SH3KBP1: variants seen among roughly 807,000 people sequenced by gnomAD.
SH3KBP1 encodes the protein SH3 domain containing kinase binding protein 1.
A neutral mutation model predicts 50.1 loss-of-function variants in SH3KBP1; 8 were observed. That is an observed-to-expected ratio of 0.16 (90% CI 0.09 to 0.29). The LOEUF is 0.29. SH3KBP1 is among the 10% of genes least tolerant of loss of function. The pLI is 1.00. For synonymous variants in SH3KBP1, 227 were observed against 218.6 expected, an observed-to-expected ratio of 1.04 and a Z score of -0.34; for missense variants, 377 against 535.2, an observed-to-expected ratio of 0.70 and a Z score of 2.92.
intron 2 of SH3KBP1, among the ~76,000 whole-genome samples, chrX:19,776,532 GTTTTTTTTTTTT>G (rs72090569): frequency 9.3e-4 from 24 of 25,681 alleles, no homozygotes; most frequent in African/African-American, 3.9e-3. Context: ...TGACAACCTG[GTTTTTTTTTTTT>G]TTTTTTTTTT....
At chrX:19,736,654 G>C (rs1345393786) in intron 3 of SH3KBP1, among the ~76,000 whole-genome samples, 2 of 111,783 alleles carry the variant, frequency 1.8e-5, no homozygotes, top group Admixed American at 9.5e-5. Context: ...GAGTTAGGGA[G>C]GTGGGCCATG....
At chrX:19,872,838 C>T (rs982971856) in intron 1 of SH3KBP1, among the ~76,000 whole-genome samples, 1 of 104,822 alleles carries the variant, frequency 9.5e-6, no homozygotes, top group Non-Finnish European at 1.9e-5. Flanking sequence ...CTCTCTCACA[C>T]ACACACACAC....
At chrX:19,661,204 G>A (rs112718031) in intron 6 of SH3KBP1, among the ~76,000 whole-genome samples, 3 of 112,354 alleles carry the variant, frequency 2.7e-5, no homozygotes, top group African/African-American at 6.5e-5. Flanking sequence ...AAAATGTTGC[G>A]TTCTCAGCTA....
At chrX:19,588,236 A>AGGG in intron 12 of SH3KBP1, 3 of 704,606 alleles carry the variant, frequency 4.3e-6, no homozygotes, top group Non-Finnish European at 5.8e-6. Context: ...AGTGAGGGTC[A>AGGG]GGGGTCGTAG....
rs138400461 is a variant in SH3KBP1 at position 19,804,213 on chromosome X, G to A, written c.162+31912C>T. On this transcript the variant is annotated intron_variant, in intron 2 of 17. Coordinates refer to ENST00000397821, the MANE Select transcript of SH3KBP1 (RefSeq NM_031892.3). ...GAAATGAAACCCCAAACCCAGGAGCGTAGGAAAGAGCTGAAATAACACTTT... is the reference window on the plus strand; with the variant it reads ...GAAATGAAACCCCAAACCCAGGAGCATAGGAAAGAGCTGAAATAACACTTT... 8.3e-3 allele frequency among the ~76,000 whole-genome samples: 928 copies of A among 111,140 alleles called. 3 individuals are homozygous for A. The highest frequency in any genetic ancestry group is 0.018 in the African/African-American group (545 of 30,579).
At chrX:19,540,534 C>A (rs752036523) in intron 16 of SH3KBP1, among the ~76,000 whole-genome samples, 1 of 111,679 alleles carries the variant, frequency 9.0e-6, no homozygotes, top group East Asian at 2.8e-4. Context: ...ACCGAGTTAT[C>A]CCCCAAAAGT....
intron 6 of SH3KBP1, among the ~76,000 whole-genome samples, chrX:19,650,985 T>C (rs2062109230): frequency 8.9e-6 from 1 of 112,189 alleles, no homozygotes; most frequent in African/African-American, 3.2e-5. Flanking sequence ...AACTTTTCAG[T>C]TTTTGTTTAC....
chrX:19,672,886 G>C (rs755793475), intron 6 of SH3KBP1, among the ~76,000 whole-genome samples: 1 of 103,304 alleles, frequency 9.7e-6, no homozygotes, highest in East Asian at 3.1e-4. Flanking sequence ...GTGAAACCTC[G>C]TCTCTACTAA....
chrX:19,540,871 G>A (rs2064865719), intron 16 of SH3KBP1, among the ~76,000 whole-genome samples: 1 of 110,341 alleles, frequency 9.1e-6, no homozygotes, highest in Admixed American at 9.6e-5. Flanking sequence ...ACAGCTAACT[G>A]ATCCCTAAAC....
chrX:19,667,354 T>A (rs991241480), intron 6 of SH3KBP1, among the ~76,000 whole-genome samples: 1 of 112,267 alleles, frequency 8.9e-6, no homozygotes, highest in Non-Finnish European at 1.9e-5. Flanking sequence ...CTAGGCACAG[T>A]GGCTCATGCC....
intron 2 of SH3KBP1, among the ~76,000 whole-genome samples, chrX:19,750,187 T>C (rs561002506): frequency 2.7e-5 from 3 of 111,791 alleles, no homozygotes; most frequent in African/African-American, 9.8e-5. Flanking sequence ...GCCTCCCGAA[T>C]AGCTGGGATT....
intron 7 of SH3KBP1, among the ~76,000 whole-genome samples, chrX:19,637,064 C>T (rs1479734654): frequency 8.9e-6 from 1 of 112,442 alleles, no homozygotes; most frequent in Non-Finnish European, 1.9e-5. Context: ...TTGGTAATCC[C>T]TCACTCAGAA....
In SH3KBP1 at chrX:19,712,754, T is replaced by C. The variant is rs758912048; in HGVS notation, c.287-5770A>G. 2.2e-4 allele frequency among the ~76,000 whole-genome samples: 25 copies of C among 111,635 alleles called. No homozygotes were observed. In the South Asian group the frequency reaches 8.3e-3, roughly 37 times the overall value. Reference sequence around the variant, plus strand: ...TGATCCAAGTTAACATTGCTAATCATAGGACAAATTGACATCACGTGCCTC... The same window carrying C: ...TGATCCAAGTTAACATTGCTAATCACAGGACAAATTGACATCACGTGCCTC... On this transcript the variant is annotated intron_variant, in intron 3 of 17. Transcript: ENST00000397821.
rs2069616542 is a variant in SH3KBP1, at chrX:19,887,159, G to A, written c.4+148C>T. 4 of 427,525 alleles carry A rather than the reference G, an allele frequency of 9.4e-6. No homozygotes were observed. The Admixed American group carries it at 2.6e-4, about 28-fold the overall frequency. The allele number at this position is 427,525 out of a possible 1,213,427, so 35.2% of individuals were successfully genotyped here. Reference sequence around the variant, plus strand: ...ACGGGCGCAAGTGGGAGTGAATGGGGGTGCGCGAGGCAGGCGAGGGCGCCC... The same window carrying A: ...ACGGGCGCAAGTGGGAGTGAATGGGAGTGCGCGAGGCAGGCGAGGGCGCCC... On this transcript the variant is annotated intron_variant, in intron 1 of 17. Transcript: ENST00000397821.
chrX:19,779,439 T>TA (rs1242217253), intron 2 of SH3KBP1, among the ~76,000 whole-genome samples: 2 of 109,149 alleles, frequency 1.8e-5, no homozygotes, highest in African/African-American at 6.7e-5. Context: ...ATTTTTTTTT[T>TA]ATTATACTTT....
chrX:19,585,693 G>C (rs759415565), intron 12 of SH3KBP1, among the ~76,000 whole-genome samples: 381 of 110,052 alleles, frequency 3.5e-3, no homozygotes, highest in Non-Finnish European at 4.7e-3. Flanking sequence ...ACCACTACCA[G>C]CAGCAGCAGC....
At chrX:19,701,486 G>T (rs2063534510) in intron 4 of SH3KBP1, among the ~76,000 whole-genome samples, 1 of 110,837 alleles carries the variant, frequency 9.0e-6, no homozygotes, top group South Asian at 3.9e-4. Flanking sequence ...TGCATTAGGG[G>T]AGGTCCCAAA....
chrX:19,567,576 C>T (rs1358192952), intron 13 of SH3KBP1, among the ~76,000 whole-genome samples: 1 of 42,019 alleles, frequency 2.4e-5, no homozygotes, highest in Non-Finnish European at 3.9e-5. Context: ...ATATATATTG[C>T]ATAGAGCGAA....
At chrX:19,738,021 G>A (rs1450876520) in intron 3 of SH3KBP1, among the ~76,000 whole-genome samples, 1 of 112,265 alleles carries the variant, frequency 8.9e-6, no homozygotes, top group Non-Finnish European at 1.9e-5. Flanking sequence ...CCCATGAGAG[G>A]TGGAACCTGA....
Sources: allele counts gnomAD v4.1 joint callset (sites outside exome capture counted in the v4.1 genomes callset), GRCh38; gene constraint gnomAD v4.1.1; transcripts MANE v1.5; gene names NCBI Gene and HGNC (gene_info 2026-07-23, HGNC 2026-07-21).